The following FBXW7 variants were observed in gnomAD, a reference collection of about 807,000 sequenced individuals.
FBXW7 encodes the protein F-box and WD repeat domain containing 7.
A neutral mutation model predicts 86.3 loss-of-function variants in FBXW7; 11 were observed. The ratio of observed to expected loss-of-function variants is 0.13; its 90% CI spans 0.08 to 0.21. The LOEUF (loss-of-function observed/expected upper bound fraction) is 0.21, where lower values mean the gene tolerates loss of function less well. FBXW7 is among the 10% of genes least tolerant of loss of function. FBXW7 has a pLI of 1.00. For missense variants in FBXW7, 488 were observed against 847.4 expected (o/e 0.58, Z 5.27); for synonymous variants, 313 against 297.9 (o/e 1.05, Z -0.52).
At chr4:152,524,045 A>G (rs975128726) in intron 2 of FBXW7, among the ~76,000 whole-genome samples, 2 of 152,218 alleles carry the variant, frequency 1.3e-5, no homozygotes, top group African/African-American at 4.8e-5. Context: ...ACAATAACTT[A>G]ATACTATAAT....
chr4:152,347,808 C>T (rs1016020534), intron 5 of FBXW7, among the ~76,000 whole-genome samples: 1 of 152,008 alleles, frequency 6.6e-6, no homozygotes, highest in East Asian at 1.9e-4. Context: ...AAAATGAGGA[C>T]GACTAGATGA....
chr4:152,337,776 T>A (rs2126582365), intron 7 of FBXW7, 26 bp downstream of exon 7: 1 of 1,592,676 alleles, frequency 6.3e-7, no homozygotes. Flanking sequence ...TAACACCCAA[T>A]GAAGAATGTA....
intron 2 of FBXW7, among the ~76,000 whole-genome samples, chr4:152,512,390 T>C (rs1004717351): frequency 1.3e-5 from 2 of 152,222 alleles, no homozygotes; most frequent in African/African-American, 4.8e-5. Context: ...ATTATGTTTA[T>C]AGACAACAGG....
chr4:152,523,255 A>G (rs775017202), intron 2 of FBXW7, among the ~76,000 whole-genome samples: 3 of 152,220 alleles, frequency 2.0e-5, no homozygotes, highest in Non-Finnish European at 4.4e-5. Context: ...AGGTCAAAAT[A>G]GAAAAGTGGT....
intron 2 of FBXW7, among the ~76,000 whole-genome samples, chr4:152,444,797 C>G (rs1741223347): frequency 6.6e-6 from 1 of 152,092 alleles, no homozygotes; most frequent in African/African-American, 2.4e-5. Flanking sequence ...TACTTTTAAC[C>G]ACCATCCAAA....
intron 2 of FBXW7, among the ~76,000 whole-genome samples, chr4:152,523,947 TA>T (rs1371973583): frequency 2.6e-5 from 4 of 152,210 alleles, no homozygotes; most frequent in Non-Finnish European, 5.9e-5. Flanking sequence ...TGCTGCTGAA[TA>T]AAGGCAGTAT....
intron 2 of FBXW7, among the ~76,000 whole-genome samples, chr4:152,494,098 A>C (rs932934300): frequency 6.6e-6 from 1 of 152,318 alleles, no homozygotes; most frequent in Admixed American, 6.5e-5. Context: ...AGCGTGTTTA[A>C]ATACTGACGA....
At chr4:152,341,834 T>C (rs1329704930) in intron 6 of FBXW7, among the ~76,000 whole-genome samples, 2 of 152,168 alleles carry the variant, frequency 1.3e-5, no homozygotes, top group Non-Finnish European at 2.9e-5. Context: ...CGCGCATGCA[T>C]GTGTACATGA....
intron 2 of FBXW7, among the ~76,000 whole-genome samples, chr4:152,516,383 T>C (rs951324838): frequency 2.0e-5 from 3 of 152,200 alleles, no homozygotes; most frequent in African/African-American, 7.2e-5. Flanking sequence ...ATGCAAGGCA[T>C]CTAGGTTAGG....
chr4:152,505,525 ATTT>A (rs1491270202), intron 2 of FBXW7, among the ~76,000 whole-genome samples: 1 of 152,030 alleles, frequency 6.6e-6, no homozygotes, highest in Admixed American at 6.6e-5. Flanking sequence ...TTTAAAAAAA[ATTT>A]TTTTAACTTT....
At chr4:152,325,971 A>G in intron 12 of FBXW7, 35 bp downstream of exon 12, 1 of 1,549,424 alleles carries the variant, frequency 6.5e-7, no homozygotes, top group Non-Finnish European at 8.9e-7. Flanking sequence ...ATGATTCATC[A>G]GGAGAGCATT....
chr4:152,516,870 G>C (rs1173016017), intron 2 of FBXW7, among the ~76,000 whole-genome samples: 2 of 152,118 alleles, frequency 1.3e-5, no homozygotes, highest in African/African-American at 4.8e-5. Flanking sequence ...TTGTCACCCA[G>C]GCTGGACTGC....
chr4:152,447,305 CAG>C (rs1309435031), intron 2 of FBXW7, among the ~76,000 whole-genome samples: 5 of 152,112 alleles, frequency 3.3e-5, no homozygotes, highest in Admixed American at 6.5e-5. Context: ...AGAACAGAAA[CAG>C]GGAATGATAA....
At chr4:152,435,065 T>TGGGGG (rs1740262133) in intron 2 of FBXW7, among the ~76,000 whole-genome samples, 1 of 11,986 alleles carries the variant, frequency 8.3e-5, no homozygotes, top group Non-Finnish European at 1.7e-4. Flanking sequence ...ACGAGAGGCC[T>TGGGGG]GGGGAGGGGA....
intron 4 of FBXW7, among the ~76,000 whole-genome samples, chr4:152,394,795 G>A (rs986270784): frequency 6.6e-5 from 10 of 152,034 alleles, no homozygotes; most frequent in Admixed American, 5.2e-4. Flanking sequence ...CTATGTGGTA[G>A]ATGCTACTAC....
intron 2 of FBXW7, among the ~76,000 whole-genome samples, chr4:152,430,761 T>C (rs1299535000): frequency 1.3e-5 from 2 of 152,176 alleles, no homozygotes; most frequent in African/African-American, 4.8e-5. Context: ...ATTTTAGTTA[T>C]GTAACTTTCA....
At chr4:152,458,289 G>C (rs1289664701) in intron 2 of FBXW7, among the ~76,000 whole-genome samples, 2 of 152,206 alleles carry the variant, frequency 1.3e-5, no homozygotes, top group Non-Finnish European at 2.9e-5. Flanking sequence ...AAAGTGCTGG[G>C]ATTACAGGCG....
chr4:152,475,146 A>G (rs887921917), intron 2 of FBXW7, among the ~76,000 whole-genome samples: 1 of 150,268 alleles, frequency 6.7e-6, no homozygotes, highest in East Asian at 1.9e-4. Context: ...TAATAATAAT[A>G]ATGATAATAA....
intron 2 of FBXW7, among the ~76,000 whole-genome samples, chr4:152,516,207 T>C (rs1416912294): frequency 6.6e-6 from 1 of 152,206 alleles, no homozygotes; most frequent in Non-Finnish European, 1.5e-5. Context: ...TAATTTGCTG[T>C]AGAGCAGGGG....
Sources: gnomAD v4.1 joint callset for allele counts (sites outside exome capture counted in the v4.1 genomes callset) on GRCh38, gnomAD v4.1.1 for gene constraint, MANE v1.5 for transcripts, NCBI Gene and HGNC (gene_info 2026-07-23, HGNC 2026-07-21) for gene names.